THEMIS: variants seen among roughly 807,000 people sequenced by gnomAD.
THEMIS encodes thymocyte selection associated.
In THEMIS, 37 loss-of-function variants were observed where a neutral mutation model predicts 52.6. That is an observed-to-expected ratio of 0.70 (90% CI 0.54 to 0.93). THEMIS has a LOEUF of 0.93. Ranked by LOEUF, THEMIS falls within the 40% of genes least tolerant of loss-of-function variation. The probability of loss-of-function intolerance (pLI) is 0.00; values close to 1 mark genes in which losing one functional copy is unlikely to be tolerated. For synonymous variants in THEMIS, 292 were observed against 272.7 expected, an observed-to-expected ratio of 1.07 and a Z score of -0.70; for missense variants, 808 against 763.1, an observed-to-expected ratio of 1.06 and a Z score of -0.69.
At chr6:127,916,610 G>C (rs549574270) in intron 1 of THEMIS, among the ~76,000 whole-genome samples, 12 of 152,274 alleles carry the variant, frequency 7.9e-5, no homozygotes, top group Non-Finnish European at 1.5e-4. Flanking sequence ...AAATAAAATG[G>C]ATAGAATTTA....
chr6:127,909,354 G>A (rs80266089), intron 1 of THEMIS, among the ~76,000 whole-genome samples: 2,674 of 152,194 alleles, frequency 0.018, 86 homozygotes, highest in African/African-American at 0.06. Flanking sequence ...GGTAGAGACA[G>A]TTGAATCATG....
chr6:127,871,551 T>C (rs942483483), intron 1 of THEMIS, among the ~76,000 whole-genome samples: 7 of 151,796 alleles, frequency 4.6e-5, no homozygotes, highest in African/African-American at 1.7e-4. Flanking sequence ...TCAATAAAAT[T>C]GATAAAATAC....
intron 1 of THEMIS, among the ~76,000 whole-genome samples, chr6:127,857,099 C>T (rs567887564): frequency 7.3e-4 from 111 of 151,148 alleles, no homozygotes; most frequent in Admixed American, 2.4e-3. Flanking sequence ...ACTATGTTGG[C>T]GATTGGCAAT....
At chr6:127,772,804 AAATTCTGGTGGAT>A (rs1207679849) in intron 4 of THEMIS, among the ~76,000 whole-genome samples, 2 of 152,152 alleles carry the variant, frequency 1.3e-5, no homozygotes, top group African/African-American at 4.8e-5. Flanking sequence ...AAAATGTAAG[AAATTCTGGTGGAT>A]AATTTAGAGG....
At chr6:127,784,177 G>A (rs1776843637) in intron 4 of THEMIS, among the ~76,000 whole-genome samples, 1 of 152,104 alleles carries the variant, frequency 6.6e-6, no homozygotes, top group Non-Finnish European at 1.5e-5. Context: ...ATAAGTGGGA[G>A]TTGAACAATG....
chr6:127,730,346 G>GAAGAGAAGAA (rs1359172094), intron 4 of THEMIS, among the ~76,000 whole-genome samples: 7 of 122,300 alleles, frequency 5.7e-5, no homozygotes, highest in Non-Finnish European at 9.3e-5. Context: ...GAAAAGAAGA[G>GAAGAGAAGAA]AAGAGAAGAA....
intron 1 of THEMIS, among the ~76,000 whole-genome samples, chr6:127,913,342 T>A (rs1352834712): frequency 6.6e-6 from 1 of 152,340 alleles, no homozygotes; most frequent in Non-Finnish European, 1.5e-5. Flanking sequence ...ATATTTTTTA[T>A]GTGTCCATTT....
intron 4 of THEMIS, 46 bp from the exon 5 acceptor site, chr6:127,719,869 G>A: frequency 6.3e-7 from 1 of 1,592,242 alleles, no homozygotes; most frequent in Non-Finnish European, 8.5e-7. Context: ...CAAAATAAAT[G>A]CTTCATAGAG....
chr6:127,870,968 C>T (rs1449033488), intron 1 of THEMIS, among the ~76,000 whole-genome samples: 3 of 152,124 alleles, frequency 2.0e-5, no homozygotes, highest in Non-Finnish European at 4.4e-5. Context: ...TAGAAGAACT[C>T]CACAACATCA....
At chr6:127,801,635 C>G (rs1478558262) in intron 4 of THEMIS, among the ~76,000 whole-genome samples, 1 of 152,158 alleles carries the variant, frequency 6.6e-6, no homozygotes, top group Non-Finnish European at 1.5e-5. Flanking sequence ...AACATCCCCT[C>G]CTCAACCCAT....
At chr6:127,704,706 C>A (rs994493505), downstream of THEMIS, among the ~76,000 whole-genome samples, 1 of 152,166 alleles carries the variant, frequency 6.6e-6, no homozygotes, top group African/African-American at 2.4e-5. Flanking sequence ...AGAAGCAGCA[C>A]ATACAAGACT....
At chr6:127,714,636 A>C (rs1474285637) in intron 5 of THEMIS, among the ~76,000 whole-genome samples, 4 of 152,010 alleles carry the variant, frequency 2.6e-5, no homozygotes, top group Middle Eastern at 3.4e-3. Context: ...TCTAATTTTA[A>C]AGATAAGAAA....
At chr6:127,884,545 A>C (rs911036848) in intron 1 of THEMIS, among the ~76,000 whole-genome samples, 1 of 152,126 alleles carries the variant, frequency 6.6e-6, no homozygotes, top group Admixed American at 6.6e-5. Flanking sequence ...GCCTTTCATA[A>C]GCTGTCAAGT....
intron 4 of THEMIS, among the ~76,000 whole-genome samples, chr6:127,731,848 C>T (rs1409887562): frequency 1.1e-5 from 1 of 92,436 alleles, no homozygotes; most frequent in Admixed American, 1.2e-4. Flanking sequence ...CAGGTGCATG[C>T]CACCATGCCC....
intron 4 of THEMIS, among the ~76,000 whole-genome samples, chr6:127,734,489 G>C (rs1296412024): frequency 1.3e-5 from 2 of 152,102 alleles, no homozygotes; most frequent in African/African-American, 4.8e-5. Context: ...CTTGCTTTTT[G>C]TGTATTCTTG....
At position 127,768,901 on chromosome 6, in the gene THEMIS, A is replaced by G. The variant is rs142489851; in HGVS notation, c.1758+43982T>C. On this transcript the variant is annotated intron_variant, in intron 4 of 5. Transcript: ENST00000368248. ...TCTTAGCTCTTAGTGCACGTAATCA[A>G]TCTTTCCTGTTTATCCTGAAGATCA... 6.5e-3 allele frequency among the ~76,000 whole-genome samples: 993 copies of G among 152,252 alleles called. 6 individuals carry two copies. Among genetic ancestry groups the G allele is most frequent in the Non-Finnish European group, 9.1e-3 (618 of 68,006 alleles).
intron 4 of THEMIS, among the ~76,000 whole-genome samples, chr6:127,799,676 C>T (rs541382041): frequency 6.6e-6 from 1 of 151,864 alleles, no homozygotes; most frequent in East Asian, 1.9e-4. Flanking sequence ...TACTTTCAGG[C>T]TTAAGGGAAG....
At chr6:127,824,942 A>G (rs1778458350) in intron 3 of THEMIS, among the ~76,000 whole-genome samples, 1 of 152,116 alleles carries the variant, frequency 6.6e-6, no homozygotes, top group South Asian at 2.1e-4. Context: ...ACAAACAAAC[A>G]AACAAACAAA....
chr6:127,814,006 A>G, intron 3 of THEMIS, 75 bp from the exon 4 acceptor site: 1 of 1,206,660 alleles, frequency 8.3e-7, no homozygotes, highest in Non-Finnish European at 1.1e-6. Context: ...TCCTGATGCC[A>G]TAAATAAATT....
Sources: gnomAD v4.1 joint callset for allele counts (sites outside exome capture counted in the v4.1 genomes callset) on GRCh38, gnomAD v4.1.1 for gene constraint, MANE v1.5 for transcripts, NCBI Gene and HGNC (gene_info 2026-07-23, HGNC 2026-07-21) for gene names.